Variants in ASPSCR1 observed in about 807,000 individuals in gnomAD.
The protein encoded by ASPSCR1 is ASPSCR1 tether for SLC2A4, UBX domain containing.
ASPSCR1 carries 55 observed loss-of-function variants against 68.9 expected under a neutral mutation model. That is an observed-to-expected ratio of 0.80 (90% CI 0.64 to 1.00). The LOEUF (loss-of-function observed/expected upper bound fraction) is 1.00. Ranked by LOEUF, ASPSCR1 falls within the 50% of genes least tolerant of loss-of-function variation. The probability of loss-of-function intolerance (pLI) is 0.00; values close to 1 mark genes in which losing one functional copy is unlikely to be tolerated. For synonymous variants in ASPSCR1, 352 were observed against 332.6 expected (o/e 1.06, Z -0.63); for missense variants, 765 against 762.2 (o/e 1.00, Z -0.04).
At chr17:82,002,199 AT>A (rs1003132092) in intron 7 of ASPSCR1, among the ~76,000 whole-genome samples, 49 of 145,002 alleles carry the variant, frequency 3.4e-4, no homozygotes, top group East Asian at 2.0e-3. Flanking sequence ...TTAAAAAGTG[AT>A]TTTTTTTTCT....
At chr17:81,994,109 C>T (rs1050332032) in intron 4 of ASPSCR1, among the ~76,000 whole-genome samples, 4 of 152,252 alleles carry the variant, frequency 2.6e-5, no homozygotes, top group African/African-American at 9.6e-5. Context: ...CTGGATGTGA[C>T]GGCATGTGCC....
chr17:81,993,562 T>C (rs1466551351), intron 4 of ASPSCR1, among the ~76,000 whole-genome samples: 1 of 152,168 alleles, frequency 6.6e-6, no homozygotes, highest in East Asian at 1.9e-4. Flanking sequence ...CGGGGCACGG[T>C]GAGTGCACAG....
chr17:82,002,037 T>C (rs1417382269), intron 7 of ASPSCR1, among the ~76,000 whole-genome samples: 2 of 129,596 alleles, frequency 1.5e-5, no homozygotes, highest in Non-Finnish European at 3.2e-5. Flanking sequence ...AGACACAGTC[T>C]CGCTCTCTTG....
intron 9 of ASPSCR1, chr17:82,010,110 TGGA>T: frequency 1.6e-5 from 5 of 303,962 alleles, no homozygotes; most frequent in Non-Finnish European, 3.2e-5. Context: ...TTACTAGAGA[TGGA>T]GTTTTACCAT....
At chr17:81,993,681 A>G (rs1283261521) in intron 4 of ASPSCR1, among the ~76,000 whole-genome samples, 2 of 152,232 alleles carry the variant, frequency 1.3e-5, no homozygotes, top group African/African-American at 4.8e-5. Flanking sequence ...CTCGACCTGG[A>G]CACTGCAGCA....
chr17:81,993,137 G>T (rs1251378449), intron 4 of ASPSCR1, among the ~76,000 whole-genome samples: 1 of 152,064 alleles, frequency 6.6e-6, no homozygotes. Context: ...GCCTGTCCTG[G>T]GTGTGGCACC....
rs1344933449 is a variant in ASPSCR1, at chr17:81,986,808, C to T, written c.374+1201C>T. On this transcript the variant is annotated intron_variant, in intron 4 of 15. Transcript: ENST00000306739. The surrounding 1 kb of genome is among the most constrained non-coding windows in gnomAD (Gnocchi z 5.2). ...GTGGCCCCAGGGCTGGGCCTGCTCC[C>T]GTCTGACAGTAGTGCCGCGCTGCAT... Among the ~76,000 whole-genome samples the T allele has an allele frequency of 2.0e-5, 3 of 148,806 alleles. No individual in the cohort carries two copies. The highest frequency in any genetic ancestry group is 5.1e-5 in the African/African-American group (2 of 39,296).
intron 7 of ASPSCR1, 24 bp from the exon 8 acceptor site, chr17:82,009,013 G>T: frequency 1.4e-6 from 2 of 1,480,736 alleles, no homozygotes; most frequent in Non-Finnish European, 1.8e-6. Flanking sequence ...GACACCCGCC[G>T]TCAGCCGCGC....
intron 2 of ASPSCR1, among the ~76,000 whole-genome samples, chr17:81,982,243 A>G (rs2041818904): frequency 6.6e-6 from 1 of 152,264 alleles, no homozygotes; most frequent in South Asian, 2.1e-4. Context: ...TGCTGGGATT[A>G]CAGGCATGAG....
rs1174510807 is a variant in ASPSCR1 at position 81,999,420 on chromosome 17, A to G, written c.933+2574A>G. On this transcript the variant is annotated intron_variant, in intron 7 of 15. Transcript: ENST00000306739. The surrounding 1 kb of genome is among the most constrained non-coding windows in gnomAD (Gnocchi z 4.4). ...GGTGGGCAGATCACCTGAGGTCAGG[A>G]GTTTGAGACCAGCCTGGACAACATG... is the stretch of plus-strand genomic sequence containing the variant. 6.6e-6 allele frequency among the ~76,000 whole-genome samples: 1 copy of G among 152,220 alleles called. No individual in the cohort carries two copies. Among genetic ancestry groups the G allele is most frequent in the Non-Finnish European group, 1.5e-5 (1 of 68,048 alleles).
chr17:82,014,543 G>T, intron 12 of ASPSCR1: 1 of 161,814 alleles, frequency 6.2e-6, no homozygotes, highest in Non-Finnish European at 1.4e-5. Flanking sequence ...TCCCTGCCGA[G>T]GCACTGTGGT....
intron 4 of ASPSCR1, among the ~76,000 whole-genome samples, chr17:81,988,613 A>G (rs1429243049): frequency 6.6e-6 from 1 of 152,150 alleles, no homozygotes; most frequent in East Asian, 1.9e-4. Flanking sequence ...GTCTGCACGT[A>G]CACCTCATTT....
In ASPSCR1 at chr17:81,983,477, A is replaced by G. The variant is rs878924336; in HGVS notation, c.159-77A>G. On this transcript the variant is annotated intron_variant, in intron 2 of 15. Coordinates refer to ENST00000306739, the MANE Select transcript of ASPSCR1 (RefSeq NM_024083.4). The surrounding 1 kb of genome is among the most constrained non-coding windows in gnomAD (Gnocchi z 4.4). Reference sequence around the variant, plus strand: ...TGGATGGCGGGGCGTGGATGGTGGGACGGGGATGGCGGGGCGTGGATGGCA... The same window carrying G: ...TGGATGGCGGGGCGTGGATGGTGGGGCGGGGATGGCGGGGCGTGGATGGCA... 12 of 1,053,546 alleles carry G rather than the reference A, an allele frequency of 1.1e-5. No homozygotes were observed. The African/African-American group carries it at 1.9e-4, about 17-fold the overall frequency. The allele number at this position is 1,053,546 out of a possible 1,614,324, so 65.3% of individuals were successfully genotyped here. A position where few individuals can be genotyped will look rare whatever the true frequency, so the allele number is the denominator to read the frequency against.
chr17:82,010,185 G>A (rs1273545603), intron 9 of ASPSCR1: 3 of 239,118 alleles, frequency 1.3e-5, no homozygotes, highest in African/African-American at 7.3e-5. Context: ...GCCTCCCAAA[G>A]TTCTGGGATT....
chr17:81,993,048 G>T (rs567391056), intron 4 of ASPSCR1, among the ~76,000 whole-genome samples: 1 of 152,118 alleles, frequency 6.6e-6, no homozygotes, highest in Non-Finnish European at 1.5e-5. Context: ...GATTGAGGAC[G>T]TGAAAAATAA....
rs1011894101 is a variant in ASPSCR1, at chr17:81,983,269, G to T, written c.159-285G>T. ...GTGTTTTCCGAGCGTCTGCACTGGGGCTGTCAGCACCCCAGACTCTGAAGG... is the reference window on the plus strand; with the variant it reads ...GTGTTTTCCGAGCGTCTGCACTGGGTCTGTCAGCACCCCAGACTCTGAAGG... On this transcript the variant is annotated intron_variant, in intron 2 of 15. Coordinates refer to ENST00000306739, the MANE Select transcript of ASPSCR1 (RefSeq NM_024083.4). This position sits in a 1 kb window ranked among gnomAD's most constrained non-coding sequence, Gnocchi z 4.4. Among the ~76,000 whole-genome samples, 22 of 152,290 alleles carry T rather than the reference G, an allele frequency of 1.4e-4. No homozygotes were observed. The Middle Eastern group carries it at 0.01, about 71-fold the overall frequency.
At chr17:82,016,620 C>A in intron 13 of ASPSCR1, 93 bp downstream of exon 13, 1 of 1,512,858 alleles carries the variant, frequency 6.6e-7, no homozygotes, top group Non-Finnish European at 9.0e-7. Context: ...CGGTCTGGGG[C>A]CTCCTTTGGG....
chr17:82,009,574 A>T lies in ASPSCR1; in HGVS notation c.1170+7A>T. 3 of 999,256 alleles carry T rather than the reference A, an allele frequency of 3.0e-6. No homozygotes were observed. The highest frequency in any genetic ancestry group is 3.9e-6 in the Non-Finnish European group (3 of 778,050). 61.9% of individuals were successfully genotyped at this position (999,256 alleles called of 1,614,324 possible). ...GCTGGAGCGCTACCCAAAGGTCTGC[A>T]GACAGGATGTGGGGGCGACTGAGGC... On this transcript the variant is annotated splice_region_variant and intron_variant, in intron 9 of 15. Coordinates refer to ENST00000306739, the MANE Select transcript of ASPSCR1 (RefSeq NM_024083.4).
chr17:82,009,648 CTG>C lies in ASPSCR1; in HGVS notation c.1170+82_1170+83del, dbSNP rs546575648. On this transcript the variant is annotated intron_variant, in intron 9 of 15. Transcript: ENST00000306739. Reference sequence around the variant, plus strand: ...GAGGTCTGTGGACGGGATGGGGCGACTGAGGCACAGCTCTGAGCGGGCCCCCT... The same window carrying C: ...GAGGTCTGTGGACGGGATGGGGCGACAGGCACAGCTCTGAGCGGGCCCCCT... The C allele has an allele frequency of 8.3e-5, 93 of 1,123,832 alleles. No individual in the cohort carries two copies. In the East Asian group the frequency reaches 2.2e-3, roughly 27 times the overall value. The allele number at this position is 1,123,832 out of a possible 1,614,324, so 69.6% of individuals were successfully genotyped here.
Sources: gnomAD v4.1 joint callset for allele counts (sites outside exome capture counted in the v4.1 genomes callset) on GRCh38, gnomAD v4.1.1 for gene constraint, Gnocchi (gnomAD v3.1) non-coding constraint, MANE v1.5 for transcripts, NCBI Gene and HGNC (gene_info 2026-07-23, HGNC 2026-07-21) for gene names.